CHRM3: variants seen among roughly 807,000 people sequenced by gnomAD.
CHRM3 encodes cholinergic receptor muscarinic 3, also known as muscarinic acetylcholine receptor M3.
In CHRM3, 11 loss-of-function variants were observed where a neutral mutation model predicts 41.8. The observed-to-expected ratio is 0.26, with a 90% CI of 0.17 to 0.44. CHRM3 has a LOEUF of 0.44. CHRM3 is among the 20% of genes least tolerant of loss of function. The probability of loss-of-function intolerance (pLI) is 1.00; values close to 1 mark genes in which losing one functional copy is unlikely to be tolerated. For missense variants in CHRM3, 571 were observed against 745.4 expected (o/e 0.77, Z 2.72); for synonymous variants, 297 against 301.4 (o/e 0.99, Z 0.15).
chr1:239,483,300 T>C (rs1181429998), intron 1 of CHRM3, among the ~76,000 whole-genome samples: 1 of 152,224 alleles, frequency 6.6e-6, no homozygotes. Flanking sequence ...AAGCTCTCAT[T>C]GTCATAAGCT....
At chr1:239,818,188 T>C (rs1017141907) in intron 5 of CHRM3, among the ~76,000 whole-genome samples, 1 of 152,188 alleles carries the variant, frequency 6.6e-6, no homozygotes, top group South Asian at 2.1e-4. Context: ...GGTCTTCACA[T>C]GAGTTTTCCT....
At chr1:239,842,383 C>T (rs188805763) in intron 6 of CHRM3, among the ~76,000 whole-genome samples, 31 of 151,954 alleles carry the variant, frequency 2.0e-4, no homozygotes, top group Admixed American at 1.4e-3. Context: ...TATAGGTGCC[C>T]GCCATCATGC....
chr1:239,519,914 A>T (rs1669526170), intron 2 of CHRM3, among the ~76,000 whole-genome samples: 1 of 151,812 alleles, frequency 6.6e-6, no homozygotes, highest in Admixed American at 6.6e-5. Flanking sequence ...CACCCCGCTA[A>T]TTTTTTGTAT....
rs550733726 is a variant in CHRM3, at chr1:239,572,274, G to A, written c.-313+26525G>A. On this transcript the variant is annotated intron_variant, in intron 3 of 6. Coordinates refer to ENST00000676153, the MANE Select transcript of CHRM3 (RefSeq NM_001375978.1). Reference sequence around the variant, plus strand: ...GACTGCTGAAGAATCCTTGGACCCCGTTGATAAAACGGAGATGAGATTCCA... The same window carrying A: ...GACTGCTGAAGAATCCTTGGACCCCATTGATAAAACGGAGATGAGATTCCA... Among the ~76,000 whole-genome samples, 35 of 152,284 alleles carry A rather than the reference G, an allele frequency of 2.3e-4. No individual in the cohort carries two copies. In the East Asian group the frequency reaches 6.0e-3, roughly 26 times the overall value.
At chr1:239,868,438 T>G (rs1328895265) in intron 6 of CHRM3, among the ~76,000 whole-genome samples, 2 of 152,176 alleles carry the variant, frequency 1.3e-5, no homozygotes, top group Non-Finnish European at 2.9e-5. Flanking sequence ...CTTTTTTCCC[T>G]TCTCTCAGTC....
At position 239,907,644 on chromosome 1, in the gene CHRM3, G is replaced by A. The variant is rs2067481; in HGVS notation, c.193G>A (p.Val65Ile). ...CGATGACCCTCTGGGAGGTCATACC[G>A]TCTGGCAAGTGGTCTTCATCGCTTT... ...TTDDPLGGHT[V>I]WQVVFIAFLT... The change falls in exon 7 of 7, where the codon GTC becomes ATC. Residue 65 changes from valine to isoleucine, a missense_variant. Physicochemically the swap from Val to Ile is conservative, Grantham distance 29. Coordinates refer to ENST00000676153, the MANE Select transcript of CHRM3 (RefSeq NM_001375978.1). This position sits in a 1 kb window ranked among gnomAD's most constrained non-coding sequence, Gnocchi z 5.4. The A allele has an allele frequency of 0.016, 25,154 of 1,614,116 alleles. 287 individuals are homozygous for A. Among genetic ancestry groups the A allele is most frequent in the South Asian group, 0.043 (3,897 of 91,082 alleles).
At chr1:239,706,841 C>T (rs1661237963) in intron 5 of CHRM3, 1 of 152,250 alleles carries the variant, frequency 6.6e-6, no homozygotes, top group South Asian at 2.1e-4. Flanking sequence ...CATGCAGAGG[C>T]ATTCACAGGC....
chr1:239,550,873 C>A (rs1452938665), intron 3 of CHRM3, among the ~76,000 whole-genome samples: 1 of 152,098 alleles, frequency 6.6e-6, no homozygotes, highest in Non-Finnish European at 1.5e-5. Flanking sequence ...GGAATGACTG[C>A]ATTGCTATGA....
intron 5 of CHRM3, among the ~76,000 whole-genome samples, chr1:239,819,027 G>A (rs1229351516): frequency 6.6e-6 from 1 of 152,174 alleles, no homozygotes; most frequent in Non-Finnish European, 1.5e-5. Context: ...CTGGGGCCTA[G>A]TGCAGGAGCT....
chr1:239,454,634 A>G (rs1241612170), intron 1 of CHRM3, among the ~76,000 whole-genome samples: 2 of 152,140 alleles, frequency 1.3e-5, no homozygotes, highest in African/African-American at 2.4e-5. Flanking sequence ...CCTGGCAACA[A>G]GGCCAGTGCT....
chr1:239,525,747 AT>A (rs1157909588), intron 2 of CHRM3, among the ~76,000 whole-genome samples: 1 of 152,180 alleles, frequency 6.6e-6, no homozygotes, highest in East Asian at 1.9e-4. Flanking sequence ...GCAGTGATGC[AT>A]TTTTTCCACA....
At position 239,908,252 on chromosome 1, in the gene CHRM3, C is replaced by T; in HGVS notation, c.801C>T (p.Gly267=). Residue 267 remains glycine (G), a synonymous_variant, in exon 7 of 7, where the codon GGC becomes GGT. Coordinates refer to ENST00000676153, the MANE Select transcript of CHRM3 (RefSeq NM_001375978.1). This position sits in a 1 kb window ranked among gnomAD's most constrained non-coding sequence, Gnocchi z 7.2. ...ETEKRTKELA[G]LQASGTEAET... is the part of the protein sequence containing the mutation. ...AAAAGCGTACCAAAGAGCTTGCTGG[C>T]CTGCAAGCCTCTGGGACAGAGGCAG... 4 of 1,614,106 alleles carry T rather than the reference C, an allele frequency of 2.5e-6. No homozygotes were observed. The highest frequency in any genetic ancestry group is 3.4e-6 in the Non-Finnish European group (4 of 1,180,030).
intron 5 of CHRM3, among the ~76,000 whole-genome samples, chr1:239,734,880 G>C (rs1441507259): frequency 6.6e-6 from 1 of 152,038 alleles, no homozygotes; most frequent in Non-Finnish European, 1.5e-5. Flanking sequence ...ATTGAAACTG[G>C]GTGATGGAAT....
Position 239,541,669 on chromosome 1 carries a change from G to A in CHRM3, c.-421-3972G>A, listed in dbSNP as rs777335216. 1.3e-4 allele frequency among the ~76,000 whole-genome samples: 19 copies of A among 151,974 alleles called. No individual in the cohort carries two copies. In the East Asian group the frequency reaches 1.6e-3, roughly 12 times the overall value. On this transcript the variant is annotated intron_variant, in intron 2 of 6. Transcript: ENST00000676153. ...TGGGACTACAGGCGTGTGCCACTGC[G>A]CCAGGCTAATTTTTCTATGTTTTTG...
chr1:239,794,255 GA>G (rs1294722730), intron 5 of CHRM3, among the ~76,000 whole-genome samples: 1 of 152,118 alleles, frequency 6.6e-6, no homozygotes, highest in Non-Finnish European at 1.5e-5. Flanking sequence ...AGATCACAGT[GA>G]AATAAATGAG....
intron 3 of CHRM3, among the ~76,000 whole-genome samples, chr1:239,549,670 A>T (rs1659631407): frequency 6.6e-6 from 1 of 151,282 alleles, no homozygotes; most frequent in Admixed American, 6.6e-5. Flanking sequence ...AAAAAAAAAA[A>T]AAAAAAATGG....
chr1:239,889,760 A>G (rs1342341003), intron 6 of CHRM3, among the ~76,000 whole-genome samples: 1 of 152,212 alleles, frequency 6.6e-6, no homozygotes, highest in Non-Finnish European at 1.5e-5. Flanking sequence ...GAGCTCAATC[A>G]GAAATTTAAC....
intron 3 of CHRM3, among the ~76,000 whole-genome samples, chr1:239,574,813 C>T (rs747258280): frequency 2.0e-5 from 3 of 151,864 alleles, no homozygotes; most frequent in African/African-American, 4.8e-5. Context: ...CTTTCTTCCT[C>T]CTCTTCCTCC....
At chr1:239,854,591 C>T (rs1217226983) in intron 6 of CHRM3, among the ~76,000 whole-genome samples, 2 of 152,104 alleles carry the variant, frequency 1.3e-5, no homozygotes, top group East Asian at 1.9e-4. Context: ...AAAACAGAGC[C>T]TGTGAAGAGG....
Sources: gnomAD v4.1 joint callset for allele counts (sites outside exome capture counted in the v4.1 genomes callset) on GRCh38, gnomAD v4.1.1 for gene constraint, Gnocchi (gnomAD v3.1) non-coding constraint, MANE v1.5 for transcripts, NCBI Gene and HGNC (gene_info 2026-07-23, HGNC 2026-07-21) for gene names.